UTP3: variants seen among roughly 807,000 people sequenced by gnomAD.
UTP3 encodes UTP3 small subunit processome component.
UTP3 carries 19 observed loss-of-function variants against 37.9 expected under a neutral mutation model. The observed-to-expected ratio is 0.50, with a 90% CI of 0.35 to 0.74. The LOEUF (loss-of-function observed/expected upper bound fraction) is 0.74, where lower values mean the gene tolerates loss of function less well. UTP3 is among the 30% of genes least tolerant of loss of function. The pLI is 0.01. For missense variants in UTP3, 504 were observed against 570.7 expected, an observed-to-expected ratio of 0.88 and a Z score of 1.19; for synonymous variants, 242 against 218.5, an observed-to-expected ratio of 1.11 and a Z score of -0.95.
chr4:70,689,471 T>G lies in UTP3; in HGVS notation c.794T>G (p.Leu265Trp). 1 of 1,614,176 alleles carries G rather than the reference T, an allele frequency of 6.2e-7. No individual in the cohort carries two copies. The highest frequency in any genetic ancestry group is 8.5e-7 in the Non-Finnish European group (1 of 1,180,026). ...CCACCCGGAAAAGGAAGCCAATACTTGAGGACCAAGTACAACCTCTACTTG... is the reference window on the plus strand; with the variant it reads ...CCACCCGGAAAAGGAAGCCAATACTGGAGGACCAAGTACAACCTCTACTTG... The part of the protein sequence containing the change: ...IIPPGKGSQY[L>W]RTKYNLYLNY... Residue 265 changes from leucine to tryptophan, a missense_variant, in exon 1 of 1, where the codon TTG becomes TGG. Coordinates refer to ENST00000254803, the MANE Select transcript of UTP3 (RefSeq NM_020368.3).
In UTP3 at chr4:70,690,157, A is replaced by G. The variant is rs766968063; in HGVS notation, c.*40A>G. 1 of 1,517,994 alleles carries G rather than the reference A, an allele frequency of 6.6e-7. No homozygotes were observed. The highest frequency in any genetic ancestry group is 8.8e-7 in the Non-Finnish European group (1 of 1,137,696). 94.0% of individuals were successfully genotyped at this position (1,517,994 alleles called of 1,614,324 possible). A position where few individuals can be genotyped will look rare whatever the true frequency, so the allele number is the denominator to read the frequency against. On this transcript the variant is annotated 3_prime_UTR_variant, in exon 1 of 1. Transcript: ENST00000254803. ...ATAAGGTTTTTGGCAGTTTTGGATCAATAAATTTTTACTTTTAACTAAAGT... is the reference window on the plus strand; with the variant it reads ...ATAAGGTTTTTGGCAGTTTTGGATCGATAAATTTTTACTTTTAACTAAAGT...
chr4:70,690,181 G>T lies in UTP3; in HGVS notation c.*64G>T. On this transcript the variant is annotated 3_prime_UTR_variant, in exon 1 of 1. Transcript: ENST00000254803. ...CAATAAATTTTTACTTTTAACTAAA[G>T]TCATTGTATTAATATATAATACTTT... is the stretch of plus-strand genomic sequence containing the variant. The T allele has an allele frequency of 6.8e-7, 1 of 1,480,878 alleles. No homozygotes were observed. The highest frequency in any genetic ancestry group is 1.4e-5 in the African/African-American group (1 of 70,336). The allele number at this position is 1,480,878 out of a possible 1,614,324, so 91.7% of individuals were successfully genotyped here.
Position 70,688,573 on chromosome 4 carries a change from C to A in UTP3, c.-105C>A. ...TCTGCAAACTCCGGTGGTAGGGGAG[C>A]GCGCTGCTGTTTAGAGCCACGAGTT... On this transcript the variant is annotated 5_prime_UTR_variant, in exon 1 of 1. Coordinates refer to ENST00000254803, the MANE Select transcript of UTP3 (RefSeq NM_020368.3). 1.7e-6 allele frequency: 2 copies of A among 1,162,126 alleles called. No individual in the cohort carries two copies. The highest frequency in any genetic ancestry group is 1.5e-5 in the South Asian group (1 of 64,546). 72.0% of individuals were successfully genotyped at this position (1,162,126 alleles called of 1,614,324 possible).
At position 70,688,673 on chromosome 4, in the gene UTP3, G is replaced by A. The variant is rs1219918438; in HGVS notation, c.-5G>A. On this transcript the variant is annotated 5_prime_UTR_variant, in exon 1 of 1. Transcript: ENST00000254803. ...GAGTCGCTGTAAAACCTGAGATTGT[G>A]AGCCATGGTGGGGAGATCCCGGCGG... 6.2e-7 allele frequency: 1 copy of A among 1,610,522 alleles called. No individual in the cohort carries two copies. Among genetic ancestry groups the A allele is most frequent in the Non-Finnish European group, 8.5e-7 (1 of 1,178,728 alleles).
Position 70,690,178 on chromosome 4 carries a change from A to G in UTP3, c.*61A>G. The G allele has an allele frequency of 1.3e-6, 2 of 1,489,306 alleles. No individual in the cohort carries two copies. The highest frequency in any genetic ancestry group is 1.5e-5 in the South Asian group (1 of 67,132). 92.3% of individuals were successfully genotyped at this position (1,489,306 alleles called of 1,614,324 possible). A position where few individuals can be genotyped will look rare whatever the true frequency, so the allele number is the denominator to read the frequency against. On this transcript the variant is annotated 3_prime_UTR_variant, in exon 1 of 1. Coordinates refer to ENST00000254803, the MANE Select transcript of UTP3 (RefSeq NM_020368.3). ...GATCAATAAATTTTTACTTTTAACT[A>G]AAGTCATTGTATTAATATATAATAC...
rs750054886 is a variant in UTP3, at chr4:70,689,555, A to AT, written c.879dup (p.Gly294TrpfsTer36). 6.2e-7 allele frequency: 1 copy of AT among 1,614,110 alleles called. No individual in the cohort carries two copies. The highest frequency in any genetic ancestry group is 1.3e-5 in the African/African-American group (1 of 74,946). ...CTGAAAGCTAGGAGAGTCCCAGCAC[A>AT]TGGACATCCTGTCATAGAAAGGCTT... On this transcript the variant is annotated frameshift_variant, in exon 1 of 1. Coordinates refer to ENST00000254803, the MANE Select transcript of UTP3 (RefSeq NM_020368.3). LOFTEE classifies it high-confidence loss of function.
rs1473932655 is a variant in UTP3, at chr4:70,689,151, A to C, written c.474A>C (p.Glu158Asp). Residue 158 changes from glutamate (E) to aspartate (D), a missense_variant, in exon 1 of 1, where the codon GAA (glutamate) becomes GAC (aspartate). By Grantham distance (45) the Glu-to-Asp change is conservative. Transcript: ENST00000254803. ...RQSQQEAEEE[E>D]REEEEEAQII... ...GTCAACAGGAGGCAGAGGAGGAGGAAAGAGAGGAGGAGGAGGAGGCACAGA... is the reference window on the plus strand; with the variant it reads ...GTCAACAGGAGGCAGAGGAGGAGGACAGAGAGGAGGAGGAGGAGGCACAGA... 1 of 1,613,202 alleles carries C rather than the reference A, an allele frequency of 6.2e-7. No individual in the cohort carries two copies. Among genetic ancestry groups the C allele is most frequent in the East Asian group, 2.2e-5 (1 of 44,854 alleles).
In UTP3 at chr4:70,689,068, C is replaced by T; in HGVS notation, c.391C>T (p.Gln131Ter). ...ASVDPSLSWG[Q>*]RKKLYYDTDY... Reference sequence around the variant, plus strand: ...TGTGGATCCCAGTTTGTCGTGGGGTCAGAGGAAAAAACTTTACTATGACAC... The same window carrying T: ...TGTGGATCCCAGTTTGTCGTGGGGTTAGAGGAAAAAACTTTACTATGACAC... The change falls in exon 1 of 1, where the codon CAG (glutamine) becomes TAG (stop). Residue 131 changes from glutamine (Q) to a stop codon, truncating the protein, a stop_gained. Transcript: ENST00000254803. LOFTEE classifies it high-confidence loss of function. 1 of 1,598,790 alleles carries T rather than the reference C, an allele frequency of 6.3e-7. No individual in the cohort carries two copies. Among genetic ancestry groups the T allele is most frequent in the Non-Finnish European group, 8.5e-7 (1 of 1,172,138 alleles).
In UTP3 at chr4:70,690,378, A is replaced by C; in HGVS notation, c.*261A>C. 3.7e-6 allele frequency: 1 copy of C among 267,052 alleles called. No individual in the cohort carries two copies. Among genetic ancestry groups the C allele is most frequent in the East Asian group, 7.5e-5 (1 of 13,320 alleles). The allele number at this position is 267,052 out of a possible 1,614,324, so 16.5% of individuals were successfully genotyped here. ...TTAGCTTAGGGAAATTTCACAGTTC[A>C]TTGTGGAGTGTTAAACTTAGAACAT... On this transcript the variant is annotated 3_prime_UTR_variant, in exon 1 of 1. Transcript: ENST00000254803.
Position 70,689,991 on chromosome 4 carries a change from G to A in UTP3, c.1314G>A (p.Glu438=), listed in dbSNP as rs764464762. 6.2e-7 allele frequency: 1 copy of A among 1,614,138 alleles called. No individual in the cohort carries two copies. Among genetic ancestry groups the A allele is most frequent in the South Asian group, 1.1e-5 (1 of 91,082 alleles). The stretch of plus-strand genomic sequence containing the variant: ...GCAATCCCAGAGTGAAACACAGAGA[G>A]AAGTTCAGAAGAGCCAAAATTAGAA... The part of the protein sequence containing the change: ...IDRNPRVKHR[E]KFRRAKIRRR... Residue 438 remains glutamate (E), a synonymous_variant, in exon 1 of 1, where the codon GAG becomes GAA. Transcript: ENST00000254803.
At position 70,688,538 on chromosome 4, in the gene UTP3, C is replaced by G. The variant is rs567970714; in HGVS notation, c.-140C>G. The G allele has an allele frequency of 7.4e-6, 6 of 811,902 alleles. No homozygotes were observed. The highest frequency in any genetic ancestry group is 3.5e-5 in the African/African-American group (2 of 57,882). 50.3% of individuals were successfully genotyped at this position (811,902 alleles called of 1,614,324 possible). A position where few individuals can be genotyped will look rare whatever the true frequency, so the allele number is the denominator to read the frequency against. On this transcript the variant is annotated 5_prime_UTR_variant, in exon 1 of 1. Transcript: ENST00000254803. ...GGAAGGAAGAGGAAATTCCAGTAGC[C>G]GATCAGGAGTCTGCAAACTCCGGTG... is the stretch of plus-strand genomic sequence containing the variant.
Position 70,689,228 on chromosome 4 carries a change from C to A in UTP3, c.551C>A (p.Ala184Asp), listed in dbSNP as rs1430266333. Residue 184 changes from alanine (A) to aspartate (D), a missense_variant, in exon 1 of 1, where the codon GCC (alanine) becomes GAC (aspartate). Transcript: ENST00000254803. The part of the protein sequence containing the change: ...QALQEDDFGV[A>D]WVEAFAKPVP... ...CTGCAAGAGGATGATTTTGGTGTCG[C>A]CTGGGTTGAGGCCTTTGCAAAACCA... 3 of 1,614,098 alleles carry A rather than the reference C, an allele frequency of 1.9e-6. No individual in the cohort carries two copies. In the Admixed American group the frequency reaches 5.0e-5, roughly 27 times the overall value.
Position 70,688,677 on chromosome 4 carries a change from C to T in UTP3, c.-1C>T. ...CGCTGTAAAACCTGAGATTGTGAGC[C>T]ATGGTGGGGAGATCCCGGCGGCGCG... On this transcript the variant is annotated 5_prime_UTR_variant, in exon 1 of 1. Coordinates refer to ENST00000254803, the MANE Select transcript of UTP3 (RefSeq NM_020368.3). 1 of 1,611,330 alleles carries T rather than the reference C, an allele frequency of 6.2e-7. No individual in the cohort carries two copies. Among genetic ancestry groups the T allele is most frequent in the Non-Finnish European group, 8.5e-7 (1 of 1,179,060 alleles).
In UTP3 at chr4:70,690,043, A is replaced by C; in HGVS notation, c.1366A>C (p.Lys456Gln). 1 of 1,614,092 alleles carries C rather than the reference A, an allele frequency of 6.2e-7. No individual in the cohort carries two copies. Among genetic ancestry groups the C allele is most frequent in the Non-Finnish European group, 8.5e-7 (1 of 1,180,022 alleles). Residue 456 changes from lysine (K) to glutamine (Q), a missense_variant, in exon 1 of 1, where the codon AAA (lysine) becomes CAA (glutamine). Coordinates refer to ENST00000254803, the MANE Select transcript of UTP3 (RefSeq NM_020368.3). ...RRRGQVREVR[K>Q]EEQRYSGELS... ...AAGAGGCCAGGTTCGTGAAGTTCGT[A>C]AAGAAGAGCAACGTTATAGTGGTGA...
chr4:70,688,601 C>G lies in UTP3; in HGVS notation c.-77C>G, dbSNP rs546798575. On this transcript the variant is annotated 5_prime_UTR_variant, in exon 1 of 1. Transcript: ENST00000254803. Reference sequence around the variant, plus strand: ...GCTGCTGTTTAGAGCCACGAGTTACCGGAGCGCCTGATTCCTGCGCCGAAG... The same window carrying G: ...GCTGCTGTTTAGAGCCACGAGTTACGGGAGCGCCTGATTCCTGCGCCGAAG... The G allele has an allele frequency of 1.2e-5, 17 of 1,450,520 alleles. No homozygotes were observed. Among genetic ancestry groups the G allele is most frequent in the Non-Finnish European group, 1.6e-5 (17 of 1,079,528 alleles). 89.9% of individuals were successfully genotyped at this position (1,450,520 alleles called of 1,614,324 possible).
Position 70,689,032 on chromosome 4 carries a change from G to A in UTP3, c.355G>A (p.Ala119Thr), listed in dbSNP as rs1474031403. 25 of 1,588,512 alleles carry A rather than the reference G, an allele frequency of 1.6e-5. No individual in the cohort carries two copies. Among genetic ancestry groups the A allele is most frequent in the Non-Finnish European group, 2.1e-5 (24 of 1,166,188 alleles). The change falls in exon 1 of 1, where the codon GCT (alanine) becomes ACT (threonine). Residue 119 changes from alanine (A) to threonine (T), a missense_variant. Coordinates refer to ENST00000254803, the MANE Select transcript of UTP3 (RefSeq NM_020368.3). The stretch of plus-strand genomic sequence containing the variant: ...TGGTGGGAGCTCCGTGCAAAGTGAA[G>A]CTGAGGCCTCTGTGGATCCCAGTTT... ...DDGGSSVQSE[A>T]EASVDPSLSW...
rs762147117 is a variant in UTP3 at position 70,690,132 on chromosome 4, A to C, written c.*15A>C. On this transcript the variant is annotated 3_prime_UTR_variant, in exon 1 of 1. Coordinates refer to ENST00000254803, the MANE Select transcript of UTP3 (RefSeq NM_020368.3). ...AGCTTAAATGAAGTTTTTGCTTAGC[A>C]TAAGGTTTTTGGCAGTTTTGGATCA... 1.3e-6 allele frequency: 2 copies of C among 1,564,328 alleles called. No homozygotes were observed. Among genetic ancestry groups the C allele is most frequent in the South Asian group, 1.2e-5 (1 of 81,824 alleles).
At position 70,688,924 on chromosome 4, in the gene UTP3, C is replaced by A; in HGVS notation, c.247C>A (p.Leu83Ile). The A allele has an allele frequency of 6.2e-7, 1 of 1,610,920 alleles. No homozygotes were observed. The highest frequency in any genetic ancestry group is 1.1e-5 in the South Asian group (1 of 90,736). The change falls in exon 1 of 1, where the codon CTA becomes ATA. Residue 83 changes from leucine (L) to isoleucine (I), a missense_variant. Coordinates refer to ENST00000254803, the MANE Select transcript of UTP3 (RefSeq NM_020368.3). ...EDGEEEEEEV[L>I]ALDMDDEDDE... ...TGGCGAGGAGGAGGAGGAGGAGGTGCTAGCCCTAGATATGGACGATGAGGA... is the reference window on the plus strand; with the variant it reads ...TGGCGAGGAGGAGGAGGAGGAGGTGATAGCCCTAGATATGGACGATGAGGA...
rs900046056 is a variant in UTP3, at chr4:70,690,386, G to A, written c.*269G>A. The A allele has an allele frequency of 5.2e-5, 13 of 250,806 alleles. No individual in the cohort carries two copies. The East Asian group carries it at 1.1e-3, about 21-fold the overall frequency. The allele number at this position is 250,806 out of a possible 1,614,324, so 15.5% of individuals were successfully genotyped here. ...GGGAAATTTCACAGTTCATTGTGGA[G>A]TGTTAAACTTAGAACATGTGTAACT... On this transcript the variant is annotated 3_prime_UTR_variant, in exon 1 of 1. Transcript: ENST00000254803.
Sources: allele counts gnomAD v4.1 joint callset, GRCh38; gene constraint gnomAD v4.1.1; transcripts MANE v1.5; gene names NCBI Gene and HGNC (gene_info 2026-07-23, HGNC 2026-07-21).